The following PCDH15 variants were observed in gnomAD, a reference collection of about 807,000 sequenced individuals.
PCDH15 encodes protocadherin-15.
In PCDH15, 129 loss-of-function variants were observed where a neutral mutation model predicts 178.5. The observed-to-expected ratio is 0.72, with a 90% CI of 0.63 to 0.84. PCDH15 has a LOEUF of 0.84. Ranked by LOEUF, PCDH15 falls within the 40% of genes least tolerant of loss-of-function variation. PCDH15 has a pLI of 0.00. For missense variants in PCDH15, 2,230 were observed against 2,099.9 expected, an observed-to-expected ratio of 1.06 and a Z score of -1.21; for synonymous variants, 800 against 732.0, an observed-to-expected ratio of 1.09 and a Z score of -1.50.
intron 2 of PCDH15, chr10:55,599,922 G>A: frequency 6.5e-7 from 1 of 1,528,076 alleles, no homozygotes; most frequent in Non-Finnish European, 8.8e-7. Flanking sequence ...GGGTTTAGCT[G>A]TCTCTTACTT....
upstream of PCDH15, among the ~76,000 whole-genome samples, chr10:54,804,937 A>AAATATATATATAATATATAT (rs1952753175): frequency 7.9e-6 from 1 of 127,038 alleles, no homozygotes; most frequent in African/African-American, 2.8e-5. Flanking sequence ...TTATATATAT[A>AAATATATATATAATATATAT]TATATATATA....
chr10:55,125,626 T>A (rs868358722), intron 2 of PCDH15, among the ~76,000 whole-genome samples: 1 of 151,950 alleles, frequency 6.6e-6, no homozygotes, highest in Non-Finnish European at 1.5e-5. Flanking sequence ...AAAATCTATA[T>A]CCATTACGAG....
At chr10:55,051,441 G>T (rs544195522) in intron 2 of PCDH15, among the ~76,000 whole-genome samples, 1 of 152,156 alleles carries the variant, frequency 6.6e-6, no homozygotes, top group East Asian at 1.9e-4. Context: ...AATATTTATT[G>T]TTTAAATAAT....
chr10:54,437,860 G>A (rs1417560440), intron 3 of PCDH15, among the ~76,000 whole-genome samples: 2 of 152,016 alleles, frequency 1.3e-5, no homozygotes, highest in Non-Finnish European at 2.9e-5. Context: ...TATACTTATT[G>A]GTGTAAATGA....
chr10:55,098,917 AG>A (rs1842512061), intron 2 of PCDH15, among the ~76,000 whole-genome samples: 1 of 151,408 alleles, frequency 6.6e-6, no homozygotes, highest in Non-Finnish European at 1.5e-5. Context: ...AGAGAGAGAG[AG>A]AGAGAGAGAG....
At chr10:54,242,520 A>G (rs2055516603) in intron 8 of PCDH15, among the ~76,000 whole-genome samples, 1 of 151,986 alleles carries the variant, frequency 6.6e-6, no homozygotes, top group African/African-American at 2.4e-5. Context: ...GTTGTCTTTA[A>G]AATAATATGA....
chr10:54,933,128 T>C (rs1591792287), intron 2 of PCDH15, among the ~76,000 whole-genome samples: 1 of 152,220 alleles, frequency 6.6e-6, no homozygotes, highest in African/African-American at 2.4e-5. Context: ...TTATACCATA[T>C]AGCCTATGTG....
intron 2 of PCDH15, among the ~76,000 whole-genome samples, chr10:55,538,623 T>C (rs1435191537): frequency 2.5e-5 from 1 of 40,698 alleles, no homozygotes; most frequent in Non-Finnish European, 4.4e-5. Flanking sequence ...TCCTTCCTCC[T>C]TTCCTTCCTT....
intron 3 of PCDH15, among the ~76,000 whole-genome samples, chr10:54,426,268 T>C (rs1031145814): frequency 1.3e-5 from 2 of 152,272 alleles, no homozygotes; most frequent in Non-Finnish European, 2.9e-5. Context: ...CAGGGATTCA[T>C]TTTGCGGAAT....
At chr10:54,897,599 A>T (rs1954566539) in intron 2 of PCDH15, 1 of 152,152 alleles carries the variant, frequency 6.6e-6, no homozygotes, top group Non-Finnish European at 1.5e-5. Context: ...GTTAACTACT[A>T]AGTATTTCTT....
At chr10:55,223,620 T>C (rs1055538046) in intron 1 of PCDH15, among the ~76,000 whole-genome samples, 3 of 152,254 alleles carry the variant, frequency 2.0e-5, no homozygotes, top group East Asian at 1.9e-4. Flanking sequence ...TTTGGAAACA[T>C]CTTCATAATA....
At chr10:55,558,122 G>A (rs1842126589) in intron 2 of PCDH15, among the ~76,000 whole-genome samples, 1 of 152,004 alleles carries the variant, frequency 6.6e-6, no homozygotes, top group Non-Finnish European at 1.5e-5. Context: ...AAGAGACTGT[G>A]GTAGCAGAGA....
intron 8 of PCDH15, among the ~76,000 whole-genome samples, chr10:54,256,229 C>T (rs886423332): frequency 1.3e-5 from 2 of 152,070 alleles, no homozygotes; most frequent in African/African-American, 4.8e-5. Context: ...CAGCTAGGCT[C>T]ACCTAAGACC....
At chr10:55,256,639 T>C (rs965459651) in intron 1 of PCDH15, among the ~76,000 whole-genome samples, 19 of 152,146 alleles carry the variant, frequency 1.2e-4, no homozygotes, top group Middle Eastern at 3.4e-3. Context: ...AGCACAGCAG[T>C]CTGAGATCAA....
intron 2 of PCDH15, among the ~76,000 whole-genome samples, chr10:55,094,427 G>C (rs1303024728): frequency 1.3e-5 from 2 of 151,880 alleles, no homozygotes; most frequent in Non-Finnish European, 2.9e-5. Context: ...GCATTTAGGA[G>C]GAATACCTAA....
At position 54,158,205 on chromosome 10, in the gene PCDH15, G is replaced by A. The variant is rs181855927; in HGVS notation, c.1591-4912C>T. On this transcript the variant is annotated intron_variant, in intron 13 of 37. Transcript: ENST00000644397. ...TACTGTATTAGTTAATTTTCACATT[G>A]CTGATATAGACATACCCGAGACTGG... is the stretch of plus-strand genomic sequence containing the variant. Among the ~76,000 whole-genome samples, 4 of 152,222 alleles carry A rather than the reference G, an allele frequency of 2.6e-5. No homozygotes were observed. In the East Asian group the frequency reaches 7.7e-4, roughly 29 times the overall value.
At chr10:54,179,884 G>C (rs1270502654) in intron 13 of PCDH15, among the ~76,000 whole-genome samples, 3 of 152,154 alleles carry the variant, frequency 2.0e-5, no homozygotes, top group Non-Finnish European at 4.4e-5. Flanking sequence ...TAATTGGATA[G>C]CTAGCTACTA....
intron 3 of PCDH15, among the ~76,000 whole-genome samples, chr10:54,895,607 GC>G (rs1954531841): frequency 6.6e-6 from 1 of 152,104 alleles, no homozygotes; most frequent in Admixed American, 6.6e-5. Context: ...ACTATATGAT[GC>G]CAACTAATAA....
intron 3 of PCDH15, among the ~76,000 whole-genome samples, chr10:54,386,964 G>A (rs1449953617): frequency 1.3e-5 from 2 of 152,046 alleles, no homozygotes; most frequent in Non-Finnish European, 2.9e-5. Context: ...ACAATATATT[G>A]TACACTTGAA....
Sources: allele counts gnomAD v4.1 joint callset (sites outside exome capture counted in the v4.1 genomes callset), GRCh38; gene constraint gnomAD v4.1.1; transcripts MANE v1.5; gene names NCBI Gene and HGNC (gene_info 2026-07-23, HGNC 2026-07-21).